The following ACTL8 variants were observed in gnomAD, a reference collection of about 807,000 sequenced individuals.
ACTL8 encodes actin like 8.
In ACTL8, 3 loss-of-function variants were observed where a neutral mutation model predicts 9.3. The ratio of observed to expected loss-of-function variants is 0.32; its 90% CI spans 0.15 to 0.83. ACTL8 has a LOEUF of 0.83. Ranked by LOEUF, ACTL8 falls within the 40% of genes least tolerant of loss-of-function variation. ACTL8 has a pLI of 0.57. For synonymous variants in ACTL8, 224 were observed against 205.9 expected (o/e 1.09, Z -0.75); for missense variants, 381 against 492.2 (o/e 0.77, Z 2.14).
intron 1 of ACTL8, among the ~76,000 whole-genome samples, chr1:17,771,069 A>G (rs943147125): frequency 2.6e-5 from 4 of 152,230 alleles, no homozygotes; most frequent in African/African-American, 9.6e-5. Flanking sequence ...CGTATAGAAC[A>G]GGGGCGGCAA....
In ACTL8 at chr1:17,818,036, C is replaced by G. The variant is rs1224505032; in HGVS notation, c.-24-4949C>G. On this transcript the variant is annotated intron_variant, in intron 1 of 2. Coordinates refer to ENST00000375406, the MANE Select transcript of ACTL8 (RefSeq NM_030812.3). ...TTCAATTCCATCCATTCAGGAACTC[C>G]CAATTACACCACTAGCTCAGAGATC... Among the ~76,000 whole-genome samples the G allele has an allele frequency of 2.0e-5, 3 of 152,120 alleles. No individual in the cohort carries two copies. The East Asian group carries it at 5.8e-4, about 29-fold the overall frequency.
chr1:17,792,031 T>C (rs1057226333), intron 1 of ACTL8, among the ~76,000 whole-genome samples: 2 of 152,302 alleles, frequency 1.3e-5, no homozygotes, highest in East Asian at 1.9e-4. Flanking sequence ...ACCCTTATCA[T>C]TGGGGCTGGA....
chr1:17,818,997 G>A (rs1156405078), intron 1 of ACTL8, among the ~76,000 whole-genome samples: 3 of 152,196 alleles, frequency 2.0e-5, no homozygotes, highest in African/African-American at 7.2e-5. Flanking sequence ...TGGCTCCTTG[G>A]ACCCATCCAA....
chr1:17,825,701 G>A, intron 2 of ACTL8, 66 bp from the exon 3 acceptor site: 1 of 1,557,626 alleles, frequency 6.4e-7, no homozygotes, highest in Non-Finnish European at 8.7e-7. Context: ...GCTCTGTGCT[G>A]ACTTCAGCTT....
At chr1:17,757,469 T>G (rs2102671061) in intron 1 of ACTL8, among the ~76,000 whole-genome samples, 1 of 151,474 alleles carries the variant, frequency 6.6e-6, no homozygotes, top group East Asian at 2.0e-4. Context: ...CAAGTCACTC[T>G]GAGCCCACCC....
intron 1 of ACTL8, among the ~76,000 whole-genome samples, chr1:17,782,271 A>T (rs1425767392): frequency 6.6e-6 from 1 of 152,156 alleles, no homozygotes; most frequent in Non-Finnish European, 1.5e-5. Context: ...CAGACTGACA[A>T]TTAGGAAGAC....
intron 1 of ACTL8, among the ~76,000 whole-genome samples, chr1:17,768,049 G>C (rs879223746): frequency 3.9e-5 from 6 of 152,054 alleles, no homozygotes; most frequent in Admixed American, 3.9e-4. Flanking sequence ...AATAGAAATT[G>C]CCTCTGGCCA....
chr1:17,757,084 T>C (rs189065492), intron 1 of ACTL8, among the ~76,000 whole-genome samples: 95 of 152,260 alleles, frequency 6.2e-4, no homozygotes, highest in Non-Finnish European at 1.1e-3. Flanking sequence ...AAGCTATGAT[T>C]GCACCGCTGC....
chr1:17,782,782 C>T (rs746841234), intron 1 of ACTL8, among the ~76,000 whole-genome samples: 39 of 152,150 alleles, frequency 2.6e-4, no homozygotes, highest in East Asian at 3.9e-4. Flanking sequence ...GGGGAAAGTA[C>T]GCCACAGACT....
chr1:17,803,859 C>T (rs1210923340), intron 1 of ACTL8, among the ~76,000 whole-genome samples: 1 of 152,158 alleles, frequency 6.6e-6, no homozygotes, highest in African/African-American at 2.4e-5. Context: ...CATATGTCAG[C>T]TTTGCCAATT....
chr1:17,799,733 T>G (rs1289072119), intron 1 of ACTL8, among the ~76,000 whole-genome samples: 2 of 152,222 alleles, frequency 1.3e-5, no homozygotes, highest in African/African-American at 4.8e-5. Context: ...CTTTATAAAT[T>G]TAGGTCTTTA....
At position 17,823,400 on chromosome 1, in the gene ACTL8, G is replaced by A; in HGVS notation, c.348+44G>A. 6 of 1,551,408 alleles carry A rather than the reference G, an allele frequency of 3.9e-6. No individual in the cohort carries two copies. The highest frequency in any genetic ancestry group is 4.4e-6 in the Non-Finnish European group (5 of 1,141,526). ...TGCTCCCACTCGGGAGCGGGAAACAGACTGACACTATGTCTGGACTGATTG... is the reference window on the plus strand; with the variant it reads ...TGCTCCCACTCGGGAGCGGGAAACAAACTGACACTATGTCTGGACTGATTG... On this transcript the variant is annotated intron_variant, in intron 2 of 2. Coordinates refer to ENST00000375406, the MANE Select transcript of ACTL8 (RefSeq NM_030812.3). This position sits in a 1 kb window ranked among gnomAD's most constrained non-coding sequence, Gnocchi z 5.3.
intron 1 of ACTL8, among the ~76,000 whole-genome samples, chr1:17,764,169 T>C (rs540155866): frequency 7.4e-4 from 113 of 152,032 alleles, no homozygotes; most frequent in African/African-American, 2.4e-3. Context: ...TATGGTCCAG[T>C]TCCCGGCTGA....
intron 1 of ACTL8, among the ~76,000 whole-genome samples, chr1:17,801,644 A>G (rs1366290953): frequency 6.6e-6 from 1 of 152,232 alleles, no homozygotes; most frequent in East Asian, 1.9e-4. Flanking sequence ...ATAAAACATA[A>G]TTATGCTCAA....
At chr1:17,760,272 C>A (rs925151208) in intron 1 of ACTL8, among the ~76,000 whole-genome samples, 2 of 152,092 alleles carry the variant, frequency 1.3e-5, no homozygotes, top group Non-Finnish European at 2.9e-5. Flanking sequence ...CTGATGGATT[C>A]GATGTGGGTC....
intron 1 of ACTL8, among the ~76,000 whole-genome samples, chr1:17,760,893 T>G (rs1345332699): frequency 6.6e-6 from 1 of 152,148 alleles, no homozygotes; most frequent in Non-Finnish European, 1.5e-5. Flanking sequence ...TTTACGAGAG[T>G]TATTACTGGC....
intron 1 of ACTL8, among the ~76,000 whole-genome samples, chr1:17,810,052 A>G (rs564315055): frequency 6.6e-6 from 1 of 152,198 alleles, no homozygotes; most frequent in South Asian, 2.1e-4. Flanking sequence ...ACCTTAATAC[A>G]TTATTTCTTC....
chr1:17,774,084 G>C (rs2066101025), intron 1 of ACTL8, among the ~76,000 whole-genome samples: 2 of 152,194 alleles, frequency 1.3e-5, no homozygotes, highest in Admixed American at 6.5e-5. Flanking sequence ...ATGGCCTAGA[G>C]GTAGCGCCAC....
intron 1 of ACTL8, among the ~76,000 whole-genome samples, chr1:17,807,810 C>T (rs1349807842): frequency 6.6e-6 from 1 of 150,796 alleles, no homozygotes; most frequent in Non-Finnish European, 1.5e-5. Flanking sequence ...CACATGGACA[C>T]AGGGAGGAGA....
Sources: gnomAD v4.1 joint callset for allele counts (sites outside exome capture counted in the v4.1 genomes callset) on GRCh38, gnomAD v4.1.1 for gene constraint, Gnocchi (gnomAD v3.1) non-coding constraint, MANE v1.5 for transcripts, NCBI Gene and HGNC (gene_info 2026-07-23, HGNC 2026-07-21) for gene names.